Variants in C12orf56 observed in about 807,000 individuals in gnomAD.
C12orf56 encodes the protein chromosome 12 open reading frame 56.
Under a neutral mutation model 69.9 loss-of-function variants are expected in C12orf56, and 71 were observed. The ratio of observed to expected loss-of-function variants is 1.02; its 90% CI spans 0.84 to 1.24. The LOEUF is 1.24. Ranked by LOEUF, C12orf56 falls within the 50% of genes most tolerant of loss-of-function variation. C12orf56 has a pLI of 0.00. For synonymous variants in C12orf56, 276 were observed against 274.1 expected, an observed-to-expected ratio of 1.01 and a Z score of -0.07; for missense variants, 732 against 738.5, an observed-to-expected ratio of 0.99 and a Z score of 0.10.
chr12:64,308,435 T>C (rs1248828748), intron 5 of C12orf56, among the ~76,000 whole-genome samples: 1 of 152,228 alleles, frequency 6.6e-6, no homozygotes, highest in Non-Finnish European at 1.5e-5. Flanking sequence ...TATTTGCTTG[T>C]TATGTTTCTT....
chr12:64,323,587 A>C (rs2038800736), intron 3 of C12orf56, among the ~76,000 whole-genome samples: 1 of 50,718 alleles, frequency 2.0e-5, no homozygotes, highest in African/African-American at 1.0e-4. Flanking sequence ...TTGCCAAGAC[A>C]GGGTCTTACT....
chr12:64,314,403 C>A (rs1035131671), intron 4 of C12orf56, among the ~76,000 whole-genome samples: 1 of 152,068 alleles, frequency 6.6e-6, no homozygotes, highest in African/African-American at 2.4e-5. Context: ...AATATCAATT[C>A]TTTTAATGAT....
At chr12:64,296,315 G>C (rs991857537) in intron 6 of C12orf56, among the ~76,000 whole-genome samples, 1 of 152,168 alleles carries the variant, frequency 6.6e-6, no homozygotes, top group East Asian at 1.9e-4. Context: ...CATTTCTTAA[G>C]TGAAAGAGTG....
At chr12:64,321,419 C>T (rs931786702) in intron 3 of C12orf56, among the ~76,000 whole-genome samples, 5 of 152,196 alleles carry the variant, frequency 3.3e-5, no homozygotes, top group African/African-American at 4.8e-5. Flanking sequence ...AAGTGATCCT[C>T]CTGCCTCAGT....
At chr12:64,352,150 C>T (rs1266856736) in intron 2 of C12orf56, among the ~76,000 whole-genome samples, 1 of 151,248 alleles carries the variant, frequency 6.6e-6, no homozygotes, top group Non-Finnish European at 1.5e-5. Context: ...TTTGGCTCCC[C>T]TCTCCCTGGG....
intron 3 of C12orf56, among the ~76,000 whole-genome samples, chr12:64,327,970 T>C (rs941096245): frequency 1.3e-5 from 2 of 152,126 alleles, no homozygotes; most frequent in African/African-American, 4.8e-5. Context: ...CAAAGCAAGT[T>C]GGTAATGTGT....
chr12:64,316,871 A>G (rs1290813355), intron 4 of C12orf56, among the ~76,000 whole-genome samples: 1 of 152,210 alleles, frequency 6.6e-6, no homozygotes, highest in Non-Finnish European at 1.5e-5. Flanking sequence ...TTGTTATTGC[A>G]TAGACTATTT....
chr12:64,367,259 A>ATAATATACAGATTATATATTATATG (rs2039506792), intron 1 of C12orf56, among the ~76,000 whole-genome samples: 1 of 117,740 alleles, frequency 8.5e-6, no homozygotes, highest in Non-Finnish European at 1.7e-5. Flanking sequence ...TATATTATAT[A>ATAATATACAGATTATATATTATATG]TAATATACAG....
chr12:64,370,139 G>A (rs1021282505), intron 1 of C12orf56, among the ~76,000 whole-genome samples: 3 of 151,782 alleles, frequency 2.0e-5, no homozygotes, highest in African/African-American at 7.3e-5. Context: ...GAGGTCAGTA[G>A]TTTCAGACCA....
intron 2 of C12orf56, among the ~76,000 whole-genome samples, chr12:64,346,904 C>T (rs886444361): frequency 6.6e-5 from 10 of 152,164 alleles, no homozygotes; most frequent in South Asian, 2.1e-4. Flanking sequence ...AATTAAGACA[C>T]GGTCTGAAAA....
chr12:64,267,779 G>T (rs191092490), intron 12 of C12orf56: 3 of 152,782 alleles, frequency 2.0e-5, no homozygotes, highest in Non-Finnish European at 4.4e-5. Context: ...ATGCACATTG[G>T]AATCACCTGG....
intron 2 of C12orf56, among the ~76,000 whole-genome samples, chr12:64,347,821 G>A (rs555398989): frequency 1.2e-4 from 19 of 152,212 alleles, no homozygotes; most frequent in Non-Finnish European, 2.4e-4. Context: ...AAAGATTATT[G>A]GCAAAATGCA....
chr12:64,294,976 CT>C (rs2038346265), intron 6 of C12orf56, among the ~76,000 whole-genome samples: 1 of 151,728 alleles, frequency 6.6e-6, no homozygotes, highest in Non-Finnish European at 1.5e-5. Context: ...TCTTGGCTCA[CT>C]GCAACCTCCA....
At chr12:64,383,921 GC>G (rs1346381026) in intron 1 of C12orf56, among the ~76,000 whole-genome samples, 1 of 152,182 alleles carries the variant, frequency 6.6e-6, no homozygotes, top group Non-Finnish European at 1.5e-5. Context: ...TGAGCTAACT[GC>G]TGTAATAGAC....
chr12:64,304,827 G>A (rs1350829259), intron 5 of C12orf56, among the ~76,000 whole-genome samples: 1 of 152,098 alleles, frequency 6.6e-6, no homozygotes, highest in Non-Finnish European at 1.5e-5. Context: ...AGTTGTGGGG[G>A]GGTTTAAGTA....
At chr12:64,326,559 A>AC (rs1164385679) in intron 3 of C12orf56, among the ~76,000 whole-genome samples, 2 of 152,184 alleles carry the variant, frequency 1.3e-5, no homozygotes, top group South Asian at 2.1e-4. Context: ...ACATGGTGAA[A>AC]CCCCGTCCCT....
chr12:64,363,501 G>A (rs1265986071), intron 1 of C12orf56, among the ~76,000 whole-genome samples: 1 of 152,152 alleles, frequency 6.6e-6, no homozygotes, highest in African/African-American at 2.4e-5. Context: ...CTCCATAAAA[G>A]TGTTTTGGGG....
At chr12:64,271,849 G>A (rs747837857) in intron 11 of C12orf56, among the ~76,000 whole-genome samples, 5 of 152,172 alleles carry the variant, frequency 3.3e-5, no homozygotes, top group Non-Finnish European at 7.3e-5. Flanking sequence ...AAGATAATGA[G>A]AGCTGACTGA....
At chr12:64,356,415 G>A (rs889140366) in intron 1 of C12orf56, among the ~76,000 whole-genome samples, 1 of 152,142 alleles carries the variant, frequency 6.6e-6, no homozygotes, top group East Asian at 1.9e-4. Context: ...CTCGTGGATG[G>A]AGCAATGGCA....
Sources: allele counts gnomAD v4.1 joint callset (sites outside exome capture counted in the v4.1 genomes callset), GRCh38; gene constraint gnomAD v4.1.1; transcripts MANE v1.5; gene names NCBI Gene and HGNC (gene_info 2026-07-23, HGNC 2026-07-21).